The following CADM2 variants were observed in gnomAD, a reference collection of about 807,000 sequenced individuals.
CADM2 encodes the protein immunoglobulin superfamily member 4D.
A neutral mutation model predicts 49.8 loss-of-function variants in CADM2; 12 were observed. The observed-to-expected ratio is 0.24, with a 90% CI of 0.15 to 0.39. The LOEUF is 0.39. CADM2 is among the 10% of genes least tolerant of loss of function. The probability of loss-of-function intolerance (pLI) is 1.00; values close to 1 mark genes in which losing one functional copy is unlikely to be tolerated. For missense variants in CADM2, 378 were observed against 492.3 expected (o/e 0.77, Z 2.20); for synonymous variants, 214 against 175.4 (o/e 1.22, Z -1.74).
At chr3:85,671,982 G>A (rs1490780782) in intron 1 of CADM2, among the ~76,000 whole-genome samples, 2 of 152,002 alleles carry the variant, frequency 1.3e-5, no homozygotes, top group Non-Finnish European at 2.9e-5. Context: ...TAGAAATGTT[G>A]TCTCTTCTGT....
intron 5 of CADM2, among the ~76,000 whole-genome samples, chr3:85,904,154 C>T (rs187579494): frequency 1.5e-4 from 23 of 152,298 alleles, no homozygotes; most frequent in Admixed American, 2.6e-4. Context: ...CCTGTTATAG[C>T]TGGCTTCTTC....
chr3:86,012,053 C>T (rs545911300), intron 8 of CADM2, among the ~76,000 whole-genome samples: 2 of 151,972 alleles, frequency 1.3e-5, no homozygotes, highest in East Asian at 3.9e-4. Flanking sequence ...TAAATATACT[C>T]ATATGGAAAT....
At position 85,223,318 on chromosome 3, in the gene CADM2, G is replaced by A. The variant is rs114149138; in HGVS notation, c.61+263650G>A. 7.9e-5 allele frequency among the ~76,000 whole-genome samples: 12 copies of A among 152,192 alleles called. No individual in the cohort carries two copies. The East Asian group carries it at 2.3e-3, about 29-fold the overall frequency. ...GATATTGGGCTAGGATTTAAGGTCT[G>A]TTCTAAAATGAAATGTTGTATTTGT... On this transcript the variant is annotated intron_variant, in intron 1 of 9. Transcript: ENST00000383699.
chr3:85,346,249 A>G (rs964310493), intron 1 of CADM2, among the ~76,000 whole-genome samples: 2 of 152,232 alleles, frequency 1.3e-5, no homozygotes, highest in Non-Finnish European at 2.9e-5. Context: ...ATAAGTTGCC[A>G]TGAAATTTTC....
At chr3:85,186,932 G>T (rs921230816) in intron 1 of CADM2, among the ~76,000 whole-genome samples, 3 of 152,162 alleles carry the variant, frequency 2.0e-5, no homozygotes, top group African/African-American at 4.8e-5. Flanking sequence ...AAATGCTGTC[G>T]TTAATATTTC....
chr3:85,363,022 A>G (rs1460951022), intron 1 of CADM2, among the ~76,000 whole-genome samples: 3 of 152,190 alleles, frequency 2.0e-5, no homozygotes, highest in Non-Finnish European at 2.9e-5. Flanking sequence ...CTAAATTTGT[A>G]TATGAGATTT....
chr3:85,566,827 G>A (rs1483482669), intron 1 of CADM2, among the ~76,000 whole-genome samples: 2 of 152,122 alleles, frequency 1.3e-5, no homozygotes, highest in African/African-American at 2.4e-5. Context: ...ATGCTGACCC[G>A]TGTCTTTTCT....
chr3:85,948,670 C>T (rs1723034229), intron 7 of CADM2, among the ~76,000 whole-genome samples: 2 of 150,764 alleles, frequency 1.3e-5, no homozygotes, highest in African/African-American at 4.9e-5. Context: ...TCCAGGTATA[C>T]AAAACTCAAA....
At chr3:85,314,117 C>A (rs902984082) in intron 1 of CADM2, among the ~76,000 whole-genome samples, 3 of 151,896 alleles carry the variant, frequency 2.0e-5, no homozygotes, top group Non-Finnish European at 4.4e-5. Flanking sequence ...CTCGATCTCC[C>A]GACCTCCTGA....
chr3:85,743,278 G>A (rs975508921), intron 2 of CADM2, among the ~76,000 whole-genome samples: 1 of 151,982 alleles, frequency 6.6e-6, no homozygotes, highest in African/African-American at 2.4e-5. Flanking sequence ...AGTGTATTTA[G>A]TTGGATTTAC....
chr3:85,385,800 C>CT (rs3086134), intron 1 of CADM2: 8,203 of 127,392 alleles, frequency 0.064, 920 homozygotes, highest in African/African-American at 0.22. Context: ...TTCTCTCTCT[C>CT]TTTTTTTTTT....
rs79366881 is a variant in CADM2 at position 85,978,231 on chromosome 3, A to G, written c.970+16584A>G. Among the ~76,000 whole-genome samples the G allele has an allele frequency of 9.2e-5, 14 of 151,720 alleles. 1 individual carries two copies. The highest frequency in any genetic ancestry group is 4.1e-4 in the South Asian group (2 of 4,826). ...GCTTGACACTGGCTGTATTGTTTCA[A>G]TGTTCTCTGTGCTGCTCTTCATATT... is the stretch of plus-strand genomic sequence containing the variant. On this transcript the variant is annotated intron_variant, in intron 8 of 9. Transcript: ENST00000383699.
At chr3:85,136,705 TCAA>T (rs1396082906) in intron 1 of CADM2, among the ~76,000 whole-genome samples, 2 of 151,906 alleles carry the variant, frequency 1.3e-5, no homozygotes, top group Non-Finnish European at 2.9e-5. Flanking sequence ...GCAAAGAACT[TCAA>T]GAAAATAAGT....
intron 1 of CADM2, among the ~76,000 whole-genome samples, chr3:84,969,944 C>T (rs1331846727): frequency 1.3e-5 from 2 of 150,654 alleles, no homozygotes; most frequent in East Asian, 3.9e-4. Flanking sequence ...ACATTATCTT[C>T]TTGTTCTACT....
intron 1 of CADM2, among the ~76,000 whole-genome samples, chr3:85,713,813 A>T (rs2067197056): frequency 6.6e-6 from 1 of 152,240 alleles, no homozygotes. Context: ...TCTTTGAATT[A>T]GCATGCCTTA....
At chr3:85,433,103 G>A (rs2036760274) in intron 1 of CADM2, among the ~76,000 whole-genome samples, 1 of 150,816 alleles carries the variant, frequency 6.6e-6, no homozygotes, top group African/African-American at 2.4e-5. Flanking sequence ...TTTAGATCAT[G>A]GGTTAAAAGA....
At chr3:85,734,538 C>CGT (rs1559621447) in intron 2 of CADM2, among the ~76,000 whole-genome samples, 1 of 149,194 alleles carries the variant, frequency 6.7e-6, no homozygotes, top group African/African-American at 2.5e-5. Flanking sequence ...CACACACATA[C>CGT]ATATATATAT....
intron 1 of CADM2, among the ~76,000 whole-genome samples, chr3:85,470,890 T>G (rs1192867039): frequency 4.6e-5 from 7 of 152,166 alleles, no homozygotes; most frequent in Non-Finnish European, 8.8e-5. Flanking sequence ...TTTAAAATAT[T>G]GTCATAACCA....
chr3:85,114,967 G>A (rs2038590697), intron 1 of CADM2, among the ~76,000 whole-genome samples: 1 of 152,050 alleles, frequency 6.6e-6, no homozygotes, highest in East Asian at 1.9e-4. Context: ...AAACCACACT[G>A]AAACATTTTA....
Sources: allele counts gnomAD v4.1 joint callset (sites outside exome capture counted in the v4.1 genomes callset), GRCh38; gene constraint gnomAD v4.1.1; transcripts MANE v1.5; gene names NCBI Gene and HGNC (gene_info 2026-07-23, HGNC 2026-07-21).